MEIS3: variants seen among roughly 807,000 people sequenced by gnomAD.
The protein encoded by MEIS3 is Meis homeobox 3.
Under a neutral mutation model 51.4 loss-of-function variants are expected in MEIS3, and 38 were observed. That is an observed-to-expected ratio of 0.74 (90% CI 0.57 to 0.97). MEIS3 has a LOEUF of 0.97. Among genes scored for constraint, MEIS3 ranks in the 50% least tolerant of loss-of-function variants. The pLI is 0.00. For missense variants in MEIS3, 456 were observed against 502.6 expected (o/e 0.91, Z 0.89); for synonymous variants, 198 against 201.8 (o/e 0.98, Z 0.16).
intron 6 of MEIS3, among the ~76,000 whole-genome samples, chr19:47,412,811 G>A (rs985136518): frequency 2.6e-5 from 4 of 151,342 alleles, no homozygotes; most frequent in Non-Finnish European, 5.9e-5. Context: ...CTCGTGATCT[G>A]CCCACCTCAG....
intron 8 of MEIS3, 100 bp downstream of exon 8, chr19:47,408,999 C>T: frequency 7.0e-7 from 1 of 1,419,494 alleles, no homozygotes; most frequent in South Asian, 1.3e-5. Context: ...TTCCTGCCGT[C>T]TTTCTCCCAC....
rs867627129 is a variant in MEIS3, at chr19:47,419,318, C to T, written c.-237G>A. 1.7e-3 allele frequency: 322 copies of T among 186,430 alleles called. 1 individual carries two copies. The highest frequency in any genetic ancestry group is 2.3e-3 in the Non-Finnish European group (211 of 92,290). 11.5% of individuals were successfully genotyped at this position (186,430 alleles called of 1,614,324 possible). On this transcript the variant is annotated 5_prime_UTR_variant, in exon 1 of 13. Coordinates refer to ENST00000558555, the MANE Select transcript of MEIS3 (RefSeq NM_001301059.2). ...GGGGGTCACGGCCAGGAGCGCATCG[C>T]CGCCGGGGCGGGGGCAGCAGGCGCA...
intron 6 of MEIS3, among the ~76,000 whole-genome samples, chr19:47,411,362 T>C (rs1971123310): frequency 6.9e-6 from 1 of 143,940 alleles, no homozygotes. Context: ...GGATGAGTAT[T>C]TAACTAAGTG....
chr19:47,417,494 C>A lies in MEIS3; in HGVS notation c.13-144G>T, dbSNP rs535067749. 5.7e-6 allele frequency: 6 copies of A among 1,047,580 alleles called. No homozygotes were observed. In the East Asian group the frequency reaches 1.3e-4, roughly 23 times the overall value. The allele number at this position is 1,047,580 out of a possible 1,614,324, so 64.9% of individuals were successfully genotyped here. A position where few individuals can be genotyped will look rare whatever the true frequency, so the allele number is the denominator to read the frequency against. On this transcript the variant is annotated intron_variant, in intron 1 of 12. Coordinates refer to ENST00000558555, the MANE Select transcript of MEIS3 (RefSeq NM_001301059.2). ...TGCCTGTGGTCCCCAGGTGTCTGAG[C>A]CCCCAAGCTTGAAGCCCTCCAGGTC... is the stretch of plus-strand genomic sequence containing the variant.
chr19:47,407,323 C>A, intron 9 of MEIS3, 29 bp downstream of exon 9: 3 of 1,603,138 alleles, frequency 1.9e-6, no homozygotes, highest in African/African-American at 1.4e-5. Flanking sequence ...CGCCCCGGGC[C>A]GGCCCGCGGG....
upstream of MEIS3, among the ~76,000 whole-genome samples, chr19:47,420,951 CT>C (rs1568434344): frequency 2.0e-4 from 25 of 127,346 alleles, no homozygotes; most frequent in Non-Finnish European, 3.7e-4. Flanking sequence ...CTCTCTCTCT[CT>C]CTCTCTCTCT....
chr19:47,416,571 C>A (rs1282020990), intron 4 of MEIS3, 81 bp downstream of exon 4: 3 of 1,212,980 alleles, frequency 2.5e-6, no homozygotes, highest in Admixed American at 2.9e-5. Context: ...TCTCTGCACC[C>A]CCCCCACCAA....
chr19:47,420,280 C>T (rs1442090935), upstream of MEIS3, among the ~76,000 whole-genome samples: 4 of 152,166 alleles, frequency 2.6e-5, no homozygotes, highest in African/African-American at 7.2e-5. Flanking sequence ...TCAGCCAAGA[C>T]TTGGGGTGAG....
At chr19:47,406,838 G>A (rs747130854) in intron 11 of MEIS3, 50 bp downstream of exon 11, 189 of 1,474,796 alleles carry the variant, frequency 1.3e-4, no homozygotes, top group Non-Finnish European at 1.6e-4. Context: ...TGTTTTACAG[G>A]TGGGTCATGG....
intron 1 of MEIS3, 85 bp downstream of exon 1, chr19:47,418,985 T>A (rs1444486164): frequency 5.4e-5 from 37 of 685,900 alleles, no homozygotes; most frequent in Middle Eastern, 3.5e-4. Context: ...GATGGGCTAA[T>A]GGGGGCCAGC....
chr19:47,404,135 T>A (rs1970712448), intron 12 of MEIS3, among the ~76,000 whole-genome samples: 2 of 151,164 alleles, frequency 1.3e-5, no homozygotes, highest in African/African-American at 4.9e-5. Context: ...CCTGGGGAGG[T>A]CGAGGCTACA....
chr19:47,406,956 A>C lies in MEIS3; in HGVS notation c.1010T>G (p.Phe337Cys). ...QSNRTGQGAA[F>C]SPEGQPIGGY... is the part of the protein sequence containing the mutation. ...CCCGATGGGCTGGCCCTCTGGGCTG[A>C]AGGCTGCACCCTGCCCTGCGAAGGG... The change falls in exon 11 of 13, where the codon TTC becomes TGC. Residue 337 changes from phenylalanine (F) to cysteine (C), a missense_variant. Coordinates refer to ENST00000558555, the MANE Select transcript of MEIS3 (RefSeq NM_001301059.2). 6.3e-7 allele frequency: 1 copy of C among 1,577,812 alleles called. No homozygotes were observed.
rs1258044092 is a variant in MEIS3, at chr19:47,419,312, G to A, written c.-231C>T. 4.0e-5 allele frequency: 8 copies of A among 197,608 alleles called. No individual in the cohort carries two copies. The highest frequency in any genetic ancestry group is 3.0e-4 in the Admixed American group (5 of 16,558). 12.2% of individuals were successfully genotyped at this position (197,608 alleles called of 1,614,324 possible). A position where few individuals can be genotyped will look rare whatever the true frequency, so the allele number is the denominator to read the frequency against. ...CCCAGCGGGGGTCACGGCCAGGAGCGCATCGCCGCCGGGGCGGGGGCAGCA... is the reference window on the plus strand; with the variant it reads ...CCCAGCGGGGGTCACGGCCAGGAGCACATCGCCGCCGGGGCGGGGGCAGCA... On this transcript the variant is annotated 5_prime_UTR_variant, in exon 1 of 13. Coordinates refer to ENST00000558555, the MANE Select transcript of MEIS3 (RefSeq NM_001301059.2).
At chr19:47,416,057 C>G (rs1351968848) in intron 4 of MEIS3, 1 of 152,650 alleles carries the variant, frequency 6.6e-6, no homozygotes, top group Admixed American at 6.5e-5. Flanking sequence ...TGCCACCACA[C>G]CCCGCTAATT....
intron 6 of MEIS3, among the ~76,000 whole-genome samples, chr19:47,412,995 C>T (rs948820918): frequency 6.6e-6 from 1 of 151,734 alleles, no homozygotes; most frequent in Non-Finnish European, 1.5e-5. Context: ...TGAGCCACTG[C>T]GCCCAGCCAT....
rs1185193205 is a variant in MEIS3, at chr19:47,415,085, T to C, written c.413A>G (p.Gln138Arg). The change falls in exon 5 of 13, where the codon CAG becomes CGG. Residue 138 changes from glutamine (Q) to arginine (R), a missense_variant. Coordinates refer to ENST00000558555, the MANE Select transcript of MEIS3 (RefSeq NM_001301059.2). ...ELDNLMIQAI[Q>R]VLRFHLLELE... ...CTCCAGCAGGTGGAACCGCAGCACC[T>C]GGATGGCCTGGATCATCTGAAAACG... The C allele has an allele frequency of 1.4e-6, 2 of 1,385,252 alleles. No individual in the cohort carries two copies. 85.8% of individuals were successfully genotyped at this position (1,385,252 alleles called of 1,614,324 possible).
Position 47,419,292 on chromosome 19 carries a change from C to A in MEIS3, c.-211G>T, listed in dbSNP as rs1971615359. ...CATGGACCCCGGCCCCCGCCCCCAGCGGGGGTCACGGCCAGGAGCGCATCG... is the reference window on the plus strand; with the variant it reads ...CATGGACCCCGGCCCCCGCCCCCAGAGGGGGTCACGGCCAGGAGCGCATCG... On this transcript the variant is annotated 5_prime_UTR_variant, in exon 1 of 13. Transcript: ENST00000558555. 3 of 232,458 alleles carry A rather than the reference C, an allele frequency of 1.3e-5. No homozygotes were observed. The highest frequency in any genetic ancestry group is 2.5e-5 in the Non-Finnish European group (3 of 122,278). The allele number at this position is 232,458 out of a possible 1,614,324, so 14.4% of individuals were successfully genotyped here. A position where few individuals can be genotyped will look rare whatever the true frequency, so the allele number is the denominator to read the frequency against.
intron 8 of MEIS3, chr19:47,407,720 G>A: frequency 1.9e-6 from 1 of 529,738 alleles, no homozygotes; most frequent in East Asian, 3.3e-5. Context: ...GTGGGGGAGG[G>A]GCTTCACTGG....
intron 1 of MEIS3, 164 bp downstream of exon 1, chr19:47,418,906 G>T (rs1446494331): frequency 4.8e-6 from 2 of 413,084 alleles, no homozygotes; most frequent in Non-Finnish European, 8.3e-6. Context: ...CAGAGAGGGG[G>T]CACACAGGGA....
Sources: allele counts gnomAD v4.1 joint callset (sites outside exome capture counted in the v4.1 genomes callset), GRCh38; gene constraint gnomAD v4.1.1; transcripts MANE v1.5; gene names NCBI Gene and HGNC (gene_info 2026-07-23, HGNC 2026-07-21).